The following PRKDC variants were observed in gnomAD, a reference collection of about 807,000 sequenced individuals.
PRKDC encodes protein kinase, DNA-activated, catalytic subunit.
A neutral mutation model predicts 486.9 loss-of-function variants in PRKDC; 82 were observed. The ratio of observed to expected loss-of-function variants is 0.17; its 90% confidence interval spans 0.14 to 0.20. PRKDC has a LOEUF of 0.20. Among genes scored for constraint, PRKDC ranks in the 10% least tolerant of loss-of-function variants. PRKDC has a pLI of 1.00. For synonymous variants in PRKDC, 1,895 were observed against 1,837.0 expected (o/e 1.03, Z -0.81); for missense variants, 4,504 against 5,038.2 (o/e 0.89, Z 3.21).
chr8:47,784,444 G>A (rs2086756886), intron 77 of PRKDC, among the ~76,000 whole-genome samples: 1 of 151,654 alleles, frequency 6.6e-6, no homozygotes, highest in Non-Finnish European at 1.5e-5. Flanking sequence ...TGAACCATAT[G>A]CAACTGCATA....
intron 21 of PRKDC, among the ~76,000 whole-genome samples, chr8:47,924,703 A>T (rs2090126740): frequency 6.6e-6 from 1 of 151,502 alleles, no homozygotes; most frequent in Non-Finnish European, 1.5e-5. Flanking sequence ...ACAAACACAC[A>T]CTCTCTCTCT....
intron 59 of PRKDC, among the ~76,000 whole-genome samples, chr8:47,832,783 C>T (rs10097508): frequency 0.15 from 22,143 of 152,208 alleles, 2,581 homozygotes; most frequent in African/African-American, 0.3. Context: ...TGAGAGTCAG[C>T]GGCCTGGAAG....
chr8:47,865,599 G>C (rs981187903), intron 40 of PRKDC, among the ~76,000 whole-genome samples: 22 of 151,984 alleles, frequency 1.4e-4, no homozygotes, highest in Admixed American at 6.6e-5. Flanking sequence ...GTAAAAATAA[G>C]AGGGTTAAGA....
At chr8:47,870,351 C>A (rs778634190) in intron 40 of PRKDC, among the ~76,000 whole-genome samples, 1 of 152,208 alleles carries the variant, frequency 6.6e-6, no homozygotes, top group Non-Finnish European at 1.5e-5. Flanking sequence ...GACAGAGAGA[C>A]TCCATTTGTT....
chr8:47,919,030 AG>A (rs2090032734), intron 21 of PRKDC, among the ~76,000 whole-genome samples: 2 of 152,096 alleles, frequency 1.3e-5, no homozygotes, highest in South Asian at 4.2e-4. Context: ...TGAAGCACTG[AG>A]GGTAAGTGAC....
At chr8:47,823,563 G>T (rs140062265) in intron 64 of PRKDC, among the ~76,000 whole-genome samples, 259 of 151,948 alleles carry the variant, frequency 1.7e-3, no homozygotes, top group Middle Eastern at 0.01. Context: ...AGAAATGCAA[G>T]AACAGCCTAA....
intron 26 of PRKDC, among the ~76,000 whole-genome samples, chr8:47,904,202 C>G (rs1189190149): frequency 1.3e-5 from 2 of 152,052 alleles, no homozygotes; most frequent in African/African-American, 2.4e-5. Flanking sequence ...TTTCCAGGGC[C>G]CTTTAGTTAT....
Position 47,791,520 on chromosome 8 carries a change from ACAACT to A in PRKDC, c.10671-2287_10671-2283del, listed in dbSNP as rs538482780. On this transcript the variant is annotated intron_variant, in intron 74 of 85. Coordinates refer to ENST00000314191, the MANE Select transcript of PRKDC (RefSeq NM_006904.7). ...CAACCAAAATACATAACAAGCTCAA[ACAACT>A]CAACAGGAAAAAAAAATCCAATCTC... 3.4e-3 allele frequency among the ~76,000 whole-genome samples: 524 copies of A among 152,146 alleles called. 2 individuals are homozygous for A. The highest frequency in any genetic ancestry group is 0.012 in the African/African-American group (492 of 41,526).
chr8:47,862,148 A>C (rs2088692910), intron 43 of PRKDC, 21 bp from the exon 44 acceptor site: 2 of 1,531,440 alleles, frequency 1.3e-6, no homozygotes, highest in Non-Finnish European at 1.8e-6. Context: ...AAAGAATCAT[A>C]TAAAAATAGC....
At position 47,902,652 on chromosome 8, in the gene PRKDC, T is replaced by C. The variant is rs1477832689; in HGVS notation, c.3186A>G (p.Arg1062=). The C allele has an allele frequency of 6.2e-7, 1 of 1,613,656 alleles. No individual in the cohort carries two copies. Among genetic ancestry groups the C allele is most frequent in the African/African-American group, 1.3e-5 (1 of 74,910 alleles). ...TGGGGTGAAGCGCAAGGCTATAAAG[T>C]CGCTTGAAAAGCGATTTGGTGTTTA... is the stretch of plus-strand genomic sequence containing the variant. ...SPVNTKSLFK[R]LYSLALHPNA... Residue 1062 remains arginine (R), a synonymous_variant, in exon 27 of 86, where the codon CGA becomes CGG. Coordinates refer to ENST00000314191, the MANE Select transcript of PRKDC (RefSeq NM_006904.7).
At position 47,782,196 on chromosome 8, in the gene PRKDC, T is replaced by C. The variant is rs747301192; in HGVS notation, c.11455A>G (p.Thr3819Ala). The C allele has an allele frequency of 6.2e-7, 1 of 1,614,002 alleles. No individual in the cohort carries two copies. The highest frequency in any genetic ancestry group is 2.2e-5 in the East Asian group (1 of 44,870). The change falls in exon 80 of 86, where the codon ACC becomes GCC. Residue 3819 changes from threonine (T) to alanine (A), a missense_variant. Thr to Ala is a moderately conservative substitution (Grantham distance 58, BLOSUM62 0). This residue lies in a region of PRKDC where 706 missense variants were observed against 945.0 expected (regional missense o/e 0.75). Transcript: ENST00000314191. The surrounding 1 kb of genome is among the most constrained non-coding windows in gnomAD (Gnocchi z 4.9). ...TVTLKDLLLN[T>A]MSQEEKAAYL... is the part of the protein sequence containing the mutation. The stretch of plus-strand genomic sequence containing the variant: ...GCCGCCTTCTCCTCTTGGGACATGG[T>C]GTTCAAAAGAAGGTCCTTCAAGGTA...
chr8:47,779,458 A>AAG (rs1197030757), intron 80 of PRKDC: 1 of 170,566 alleles, frequency 5.9e-6, no homozygotes, highest in African/African-American at 2.4e-5. Flanking sequence ...GAACCATAGC[A>AAG]AGAGGGCGAC....
chr8:47,834,443 C>A, intron 58 of PRKDC, 47 bp from the exon 59 acceptor site: 21 of 1,594,718 alleles, frequency 1.3e-5, no homozygotes, highest in Non-Finnish European at 1.8e-5. Context: ...TCACCCAGCT[C>A]TGTGCACGGG....
chr8:47,850,105 C>T (rs919563878), intron 52 of PRKDC, among the ~76,000 whole-genome samples: 12 of 152,156 alleles, frequency 7.9e-5, no homozygotes, highest in African/African-American at 2.9e-4. Context: ...CTGTCCTGTT[C>T]CCTACTGCAT....
rs149582264 is a variant in PRKDC, at chr8:47,832,544, A to G, written c.8153-618T>C. Among the ~76,000 whole-genome samples, 585 of 152,362 alleles carry G rather than the reference A, an allele frequency of 3.8e-3. 9 individuals are homozygous for G. The highest frequency in any genetic ancestry group is 0.013 in the African/African-American group (555 of 41,586). ...TAGGAACTGAAGAAATGTTCAGAGC[A>G]TGAAAAAAAGCTCATGGAAACTGAA... On this transcript the variant is annotated intron_variant, in intron 59 of 85. Coordinates refer to ENST00000314191, the MANE Select transcript of PRKDC (RefSeq NM_006904.7).
chr8:47,918,521 CAAA>C, intron 21 of PRKDC, 138 bp from the exon 22 acceptor site: 1 of 553,098 alleles, frequency 1.8e-6, no homozygotes, highest in Non-Finnish European at 2.9e-6. Context: ...GTTTCTAAAA[CAAA>C]AAATATAAAT....
rs547957995 is a variant in PRKDC, at chr8:47,802,479, CTTTT to C, written c.9922+823_9922+826del. On this transcript the variant is annotated intron_variant, in intron 70 of 85. Coordinates refer to ENST00000314191, the MANE Select transcript of PRKDC (RefSeq NM_006904.7). ...ACTAAACTATTTTGGGAGGAAATGG[CTTTT>C]TTTTTTTTTTTTTTGAGAGACGGAG... is the stretch of plus-strand genomic sequence containing the variant. Among the ~76,000 whole-genome samples the C allele has an allele frequency of 1.0e-4, 13 of 130,290 alleles. No homozygotes were observed. In the South Asian group the frequency reaches 2.5e-3, roughly 25 times the overall value. 85.5% of individuals were successfully genotyped at this position (130,290 alleles called of 152,430 possible).
At chr8:47,929,807 T>C (rs761895266) in intron 18 of PRKDC, 46 bp downstream of exon 18, 4 of 1,530,836 alleles carry the variant, frequency 2.6e-6, no homozygotes, top group Middle Eastern at 3.5e-4. Context: ...TATATACTCA[T>C]GACCTAAAAA....
At chr8:47,777,924 A>G (rs374875366) in intron 83 of PRKDC, 50 bp from the exon 84 acceptor site, 2 of 1,544,584 alleles carry the variant, frequency 1.3e-6, no homozygotes, top group Non-Finnish European at 1.8e-6. Context: ...AGAACTCTCA[A>G]AGTACCGAGC....
Sources: gnomAD v4.1 joint callset for allele counts (sites outside exome capture counted in the v4.1 genomes callset) on GRCh38, gnomAD v4.1.1 for gene constraint, gnomAD v4.1.1 regional missense constraint, Gnocchi (gnomAD v3.1) non-coding constraint, MANE v1.5 for transcripts, NCBI Gene and HGNC (gene_info 2026-07-23, HGNC 2026-07-21) for gene names.